The following CNTN5 variants were observed in gnomAD, a reference collection of about 807,000 sequenced individuals.
The protein encoded by CNTN5 is contactin 5.
A neutral mutation model predicts 129.1 loss-of-function variants in CNTN5; 77 were observed. That is an observed-to-expected ratio of 0.60 (90% confidence interval 0.50 to 0.72). The LOEUF (loss-of-function observed/expected upper bound fraction) is 0.72. Ranked by LOEUF, CNTN5 falls within the 30% of genes least tolerant of loss-of-function variation. The pLI is 0.00. For synonymous variants in CNTN5, 509 were observed against 465.6 expected (o/e 1.09, Z -1.20); for missense variants, 1,478 against 1,328.8 (o/e 1.11, Z -1.75).
chr11:99,847,600 C>G (rs527937501), intron 6 of CNTN5, among the ~76,000 whole-genome samples: 1 of 152,208 alleles, frequency 6.6e-6, no homozygotes, highest in South Asian at 2.1e-4. Flanking sequence ...ACCAATTCTG[C>G]CTCAAAATTG....
intron 2 of CNTN5, among the ~76,000 whole-genome samples, chr11:99,427,785 A>G (rs1175969904): frequency 6.6e-6 from 1 of 151,222 alleles, no homozygotes; most frequent in Admixed American, 6.6e-5. Flanking sequence ...AAAAAAAAAA[A>G]AAAAAAAGTT....
chr11:99,192,561 G>A (rs562275977), intron 1 of CNTN5, among the ~76,000 whole-genome samples: 10 of 151,866 alleles, frequency 6.6e-5, no homozygotes, highest in South Asian at 6.2e-4. Context: ...ATTATAATTT[G>A]TAATTATCTT....
At chr11:99,071,087 C>A (rs1007065111) in intron 1 of CNTN5, among the ~76,000 whole-genome samples, 3 of 152,056 alleles carry the variant, frequency 2.0e-5, no homozygotes, top group Non-Finnish European at 4.4e-5. Flanking sequence ...ATGTATCAGG[C>A]ACTTTGCTAG....
chr11:99,718,302 C>T (rs1156335408), intron 3 of CNTN5, among the ~76,000 whole-genome samples: 1 of 152,090 alleles, frequency 6.6e-6, no homozygotes, highest in African/African-American at 2.4e-5. Context: ...GCAAGAAAAG[C>T]ATTAAAAATG....
Position 99,840,917 on chromosome 11 carries a change from T to TA in CNTN5, c.278-3929dup, listed in dbSNP as rs1289741544. Among the ~76,000 whole-genome samples, 8 of 152,084 alleles carry TA rather than the reference T, an allele frequency of 5.3e-5. 1 individual carries two copies. The South Asian group carries it at 8.3e-4, about 16-fold the overall frequency. ...AAATTCACTGCTACAGCAGAATGAA[T>TA]AAAAAATGTATCTCAGTATATCTAT... is the stretch of plus-strand genomic sequence containing the variant. On this transcript the variant is annotated intron_variant, in intron 4 of 24. Transcript: ENST00000524871.
intron 3 of CNTN5, among the ~76,000 whole-genome samples, chr11:99,813,951 T>A (rs1016518210): frequency 6.6e-5 from 10 of 152,152 alleles, no homozygotes; most frequent in Non-Finnish European, 1.3e-4. Context: ...AATAATTGAA[T>A]ACTTTTACCA....
chr11:99,658,869 C>G (rs1474484468), intron 3 of CNTN5, among the ~76,000 whole-genome samples: 1 of 118,086 alleles, frequency 8.5e-6, no homozygotes, highest in Admixed American at 1.1e-4. Flanking sequence ...GACTGGGCAA[C>G]AGGAGTGAAA....
intron 7 of CNTN5, among the ~76,000 whole-genome samples, chr11:99,932,831 C>A (rs1039443418): frequency 6.6e-6 from 1 of 152,110 alleles, no homozygotes; most frequent in Non-Finnish European, 1.5e-5. Context: ...TCTCTCCTGG[C>A]CCCCTGCTTC....
At chr11:99,158,767 A>G (rs1013670464) in intron 1 of CNTN5, among the ~76,000 whole-genome samples, 5 of 152,158 alleles carry the variant, frequency 3.3e-5, no homozygotes, top group African/African-American at 1.2e-4. Flanking sequence ...CTGTAACAGT[A>G]TATCTTGTGT....
At chr11:99,235,294 T>G (rs982216670) in intron 1 of CNTN5, among the ~76,000 whole-genome samples, 3 of 152,106 alleles carry the variant, frequency 2.0e-5, no homozygotes, top group Non-Finnish European at 4.4e-5. Flanking sequence ...GGATATGTCT[T>G]TATTTGCTTT....
At chr11:99,646,320 A>G (rs1269830367) in intron 3 of CNTN5, among the ~76,000 whole-genome samples, 1 of 152,210 alleles carries the variant, frequency 6.6e-6, no homozygotes, top group Non-Finnish European at 1.5e-5. Context: ...ATATGCATTC[A>G]ACTTGTTTTC....
intron 2 of CNTN5, among the ~76,000 whole-genome samples, chr11:99,492,124 G>T (rs116060147): frequency 1.3e-5 from 2 of 152,212 alleles, no homozygotes; most frequent in African/African-American, 2.4e-5. Context: ...CGCTATTCCT[G>T]CCAACAAAGA....
intron 8 of CNTN5, among the ~76,000 whole-genome samples, chr11:99,995,234 G>C (rs943817115): frequency 6.6e-6 from 1 of 151,548 alleles, no homozygotes; most frequent in Non-Finnish European, 1.5e-5. Flanking sequence ...GTCAGAGATG[G>C]TACAGACTAG....
At chr11:99,170,549 T>A (rs1352315635) in intron 1 of CNTN5, among the ~76,000 whole-genome samples, 2 of 152,134 alleles carry the variant, frequency 1.3e-5, no homozygotes, top group Non-Finnish European at 2.9e-5. Context: ...ATCAACGGAT[T>A]CCCAATAGTA....
At chr11:99,844,618 GT>G in intron 4 of CNTN5, 1 of 495,152 alleles carries the variant, frequency 2.0e-6, no homozygotes, top group South Asian at 2.1e-5. Context: ...TCTGAGGTTT[GT>G]TTTTTATGTA....
chr11:99,134,145 C>T (rs1472082385), intron 1 of CNTN5, among the ~76,000 whole-genome samples: 1 of 152,150 alleles, frequency 6.6e-6, no homozygotes, highest in Non-Finnish European at 1.5e-5. Context: ...AGCAAACTAA[C>T]TCAGGGACAG....
At chr11:99,923,431 T>C (rs1453701652) in intron 7 of CNTN5, among the ~76,000 whole-genome samples, 1 of 152,198 alleles carries the variant, frequency 6.6e-6, no homozygotes, top group African/African-American at 2.4e-5. Flanking sequence ...CCTATAAACC[T>C]ATATAAAGTT....
At chr11:99,517,881 A>G (rs540049039) in intron 2 of CNTN5, among the ~76,000 whole-genome samples, 14 of 152,224 alleles carry the variant, frequency 9.2e-5, no homozygotes, top group African/African-American at 3.4e-4. Flanking sequence ...GGACAATGTT[A>G]TATTTTGTGT....
intron 1 of CNTN5, among the ~76,000 whole-genome samples, chr11:99,029,306 T>C (rs1374738973): frequency 6.6e-6 from 1 of 151,978 alleles, no homozygotes; most frequent in African/African-American, 2.4e-5. Context: ...TTAAAGATTA[T>C]TCTGTGTATC....
Sources: allele counts gnomAD v4.1 joint callset (sites outside exome capture counted in the v4.1 genomes callset), GRCh38; gene constraint gnomAD v4.1.1; transcripts MANE v1.5; gene names NCBI Gene and HGNC (gene_info 2026-07-23, HGNC 2026-07-21).